PTPN14: variants seen among roughly 807,000 people sequenced by gnomAD.
The protein encoded by PTPN14 is protein tyrosine phosphatase non-receptor type 14.
In PTPN14, 53 loss-of-function variants were observed where a neutral mutation model predicts 126.8. The ratio of observed to expected loss-of-function variants is 0.42; its 90% confidence interval spans 0.34 to 0.53. PTPN14 has a LOEUF of 0.53. Among genes scored for constraint, PTPN14 ranks in the 20% least tolerant of loss-of-function variants. PTPN14 has a pLI of 0.08. For synonymous variants in PTPN14, 630 were observed against 599.3 expected, an observed-to-expected ratio of 1.05 and a Z score of -0.75; for missense variants, 1,257 against 1,552.9, an observed-to-expected ratio of 0.81 and a Z score of 3.20.
At chr1:214,509,609 G>C (rs917819224) in intron 1 of PTPN14, among the ~76,000 whole-genome samples, 4 of 152,154 alleles carry the variant, frequency 2.6e-5, no homozygotes, top group Admixed American at 1.3e-4. Context: ...TTTCTTTCAA[G>C]AACTTTTCCT....
At chr1:214,504,223 G>A (rs918614596) in intron 1 of PTPN14, among the ~76,000 whole-genome samples, 3 of 152,032 alleles carry the variant, frequency 2.0e-5, no homozygotes, top group South Asian at 4.1e-4. Flanking sequence ...TATTACACTC[G>A]AGGAGTCAGA....
At chr1:214,414,832 C>T (rs1399275188) in intron 3 of PTPN14, 106 bp from the exon 4 acceptor site, 1 of 859,002 alleles carries the variant, frequency 1.2e-6, no homozygotes, top group East Asian at 2.5e-5. Flanking sequence ...CACAGCAGGA[C>T]ATGCCTGTGA....
chr1:214,443,406 C>T (rs747339305), intron 3 of PTPN14, among the ~76,000 whole-genome samples: 5 of 152,208 alleles, frequency 3.3e-5, no homozygotes, highest in South Asian at 2.1e-4. Flanking sequence ...TGGTTACCAG[C>T]GCTACATTTC....
In PTPN14 at chr1:214,376,429, G is replaced by C; in HGVS notation, c.2697C>G (p.Thr899=). The part of the protein sequence containing the change: ...TRVPMDERFR[T]LKKKLEEGMV... ...TTCCCTCTTCTAGTTTCTTCTTCAG[G>C]GTTCTGAACTGCAACAGAAATTGAT... Residue 899 remains threonine, a synonymous_variant, in exon 15 of 19, where the codon ACC becomes ACG. Coordinates refer to ENST00000366956, the MANE Select transcript of PTPN14 (RefSeq NM_005401.5). 3 of 1,611,764 alleles carry C rather than the reference G, an allele frequency of 1.9e-6. No homozygotes were observed.
In PTPN14 at chr1:214,464,844, A is replaced by G. The variant is rs1452852317; in HGVS notation, c.-41T>C. On this transcript the variant is annotated 5_prime_UTR_variant, in exon 2 of 19. Transcript: ENST00000366956. ...GGACGCCGCCCGCCTATCCTGGCGC[A>G]CACGCCCCTGAGATGGCCTTAGCAG... 6.2e-7 allele frequency: 1 copy of G among 1,606,896 alleles called. No individual in the cohort carries two copies. Among genetic ancestry groups the G allele is most frequent in the Non-Finnish European group, 8.5e-7 (1 of 1,174,506 alleles).
chr1:214,535,354 T>C (rs1655676754), intron 1 of PTPN14, among the ~76,000 whole-genome samples: 1 of 152,236 alleles, frequency 6.6e-6, no homozygotes. Context: ...TGAACACTTA[T>C]GGCAAAAGTA....
At position 214,392,851 on chromosome 1, in the gene PTPN14, G is replaced by A. The variant is rs1041459250; in HGVS notation, c.929+844C>T. ...CTGGCGCTCCAGCTATAAAGCAGCC[G>A]CGTTCTTCAGCAGGAACTGCTCTAG... On this transcript the variant is annotated intron_variant, in intron 10 of 18. Coordinates refer to ENST00000366956, the MANE Select transcript of PTPN14 (RefSeq NM_005401.5). 6.6e-5 allele frequency among the ~76,000 whole-genome samples: 10 copies of A among 152,168 alleles called. No homozygotes were observed. The South Asian group carries it at 1.0e-3, about 16-fold the overall frequency.
At chr1:214,543,487 A>T (rs1030480595) in intron 1 of PTPN14, among the ~76,000 whole-genome samples, 34 of 152,338 alleles carry the variant, frequency 2.2e-4, no homozygotes, top group African/African-American at 7.5e-4. Context: ...TTTAATTTTT[A>T]AAAATTACAT....
intron 1 of PTPN14, among the ~76,000 whole-genome samples, chr1:214,526,097 C>A (rs1655388596): frequency 6.6e-6 from 1 of 151,770 alleles, no homozygotes; most frequent in Admixed American, 6.6e-5. Flanking sequence ...TCCTGGGTAG[C>A]TGGGATTACA....
chr1:214,376,194 C>A (rs191068075), intron 15 of PTPN14, 25 bp downstream of exon 15: 7 of 1,598,026 alleles, frequency 4.4e-6, no homozygotes, highest in Non-Finnish European at 6.0e-6. Context: ...CTTTACCAAA[C>A]CTTCTAACAG....
chr1:214,384,063 C>A lies in PTPN14; in HGVS notation c.1792G>T (p.Val598Leu). Residue 598 changes from valine to leucine, a missense_variant, in exon 13 of 19, where the codon GTG becomes TTG. Physicochemically the swap from Val to Leu is conservative, Grantham distance 32 (BLOSUM62 1). Around this residue, in one of 3 missense-constraint regions of PTPN14, gnomAD observed 1,021 missense variants for 1,183.3 expected, o/e 0.86. Transcript: ENST00000366956. The surrounding 1 kb of genome is among the most constrained non-coding windows in gnomAD (Gnocchi z 5.3). ...KYVSGSSPDL[V>L]TRKVQLSVKT... is the part of the protein sequence containing the mutation. Reference sequence around the variant, plus strand: ...ACCGAGAGCTGCACCTTCCGGGTCACCAGGTCCGGGCTGCTGCCGCTGACG... The same window carrying A: ...ACCGAGAGCTGCACCTTCCGGGTCAACAGGTCCGGGCTGCTGCCGCTGACG... The A allele has an allele frequency of 1.3e-6, 2 of 1,580,960 alleles. No homozygotes were observed. The highest frequency in any genetic ancestry group is 1.7e-6 in the Non-Finnish European group (2 of 1,165,592).
At chr1:214,416,961 G>A (rs1028037942) in intron 3 of PTPN14, among the ~76,000 whole-genome samples, 4 of 151,938 alleles carry the variant, frequency 2.6e-5, no homozygotes, top group Non-Finnish European at 4.4e-5. Flanking sequence ...TATTTTGGAA[G>A]CATGCAATTT....
At chr1:214,538,455 T>C (rs886849026) in intron 1 of PTPN14, among the ~76,000 whole-genome samples, 14 of 152,234 alleles carry the variant, frequency 9.2e-5, no homozygotes, top group African/African-American at 3.1e-4. Flanking sequence ...AAAGGGGGTT[T>C]CTATACATAA....
chr1:214,393,566 T>A (rs1658807840), intron 10 of PTPN14, 129 bp downstream of exon 10: 1 of 754,548 alleles, frequency 1.3e-6, no homozygotes. Flanking sequence ...TGGCTTTAGC[T>A]TACTTCATTA....
intron 3 of PTPN14, among the ~76,000 whole-genome samples, chr1:214,437,494 C>A (rs909483342): frequency 4.6e-5 from 7 of 151,720 alleles, no homozygotes; most frequent in Non-Finnish European, 8.8e-5. Context: ...TTAATATATC[C>A]CCTAAACCTA....
At chr1:214,369,176 A>C (rs1356528871) in intron 17 of PTPN14, among the ~76,000 whole-genome samples, 2 of 152,204 alleles carry the variant, frequency 1.3e-5, no homozygotes, top group East Asian at 3.8e-4. Flanking sequence ...CATGTGTCAG[A>C]ATAGTTACTG....
At chr1:214,401,884 A>G in intron 6 of PTPN14, 112 bp from the exon 7 acceptor site, 1 of 831,646 alleles carries the variant, frequency 1.2e-6, no homozygotes, top group Non-Finnish European at 2.0e-6. Flanking sequence ...TTCTGGGAAG[A>G]GCAATCATTA....
intron 1 of PTPN14, among the ~76,000 whole-genome samples, chr1:214,508,020 A>G (rs969062452): frequency 5.9e-5 from 9 of 152,168 alleles, no homozygotes; most frequent in Non-Finnish European, 1.3e-4. Context: ...TGTATTGCTA[A>G]AAAAGGCTAA....
intron 3 of PTPN14, among the ~76,000 whole-genome samples, chr1:214,417,532 C>T (rs1474991318): frequency 2.6e-5 from 4 of 152,158 alleles, no homozygotes; most frequent in Non-Finnish European, 4.4e-5. Context: ...GCCTTCAGTA[C>T]TTTTGACAGA....
Sources: allele counts gnomAD v4.1 joint callset (sites outside exome capture counted in the v4.1 genomes callset), GRCh38; gene constraint gnomAD v4.1.1; regional missense constraint gnomAD v4.1.1; non-coding constraint Gnocchi (gnomAD v3.1); transcripts MANE v1.5; gene names NCBI Gene and HGNC (gene_info 2026-07-23, HGNC 2026-07-21).